The following POLR3B variants were observed in gnomAD, a reference collection of about 807,000 sequenced individuals.
The protein encoded by POLR3B is DNA-directed RNA polymerase III subunit RPC2.
A neutral mutation model predicts 147.4 loss-of-function variants in POLR3B; 96 were observed. That is an observed-to-expected ratio of 0.65 (90% CI 0.55 to 0.77). The LOEUF (loss-of-function observed/expected upper bound fraction) is 0.77, where lower values mean the gene tolerates loss of function less well. Among genes scored for constraint, POLR3B ranks in the 30% least tolerant of loss-of-function variants. POLR3B has a pLI of 0.00. For synonymous variants in POLR3B, 461 were observed against 485.9 expected, an observed-to-expected ratio of 0.95 and a Z score of 0.67; for missense variants, 1,036 against 1,413.5, an observed-to-expected ratio of 0.73 and a Z score of 4.28.
intron 19 of POLR3B, among the ~76,000 whole-genome samples, chr12:106,452,001 A>ATG (rs1020711403): frequency 6.6e-6 from 1 of 152,152 alleles, no homozygotes; most frequent in Non-Finnish European, 1.5e-5. Flanking sequence ...GTTATTTTAT[A>ATG]TGTGTGTATA....
intron 14 of POLR3B, among the ~76,000 whole-genome samples, chr12:106,431,530 G>A (rs2037510323): frequency 1.3e-5 from 2 of 152,102 alleles, no homozygotes; most frequent in Admixed American, 1.3e-4. Flanking sequence ...GTACCGGGTT[G>A]CATAGATGTT....
intron 25 of POLR3B, among the ~76,000 whole-genome samples, chr12:106,499,714 G>A (rs543228068): frequency 6.6e-6 from 1 of 152,266 alleles, no homozygotes; most frequent in South Asian, 2.1e-4. Context: ...AGCTAGAGAG[G>A]TCATGTAATT....
intron 18 of POLR3B, among the ~76,000 whole-genome samples, chr12:106,438,479 A>G (rs1051992082): frequency 6.6e-6 from 1 of 151,748 alleles, no homozygotes. Flanking sequence ...ATATATATAT[A>G]TGTATATAAA....
At chr12:106,358,146 C>G (rs562636662) in intron 1 of POLR3B, 195 bp downstream of exon 1, 4 of 1,455,188 alleles carry the variant, frequency 2.7e-6, no homozygotes, top group South Asian at 2.8e-5. Flanking sequence ...GAAGGCTGAT[C>G]CCAGAGGAGC....
chr12:106,416,352 T>C (rs930931254), intron 12 of POLR3B, among the ~76,000 whole-genome samples: 1 of 152,196 alleles, frequency 6.6e-6, no homozygotes, highest in African/African-American at 2.4e-5. Flanking sequence ...AGCAAATACT[T>C]GTATATTCCC....
chr12:106,380,116 A>G lies in POLR3B; in HGVS notation c.700A>G (p.Ile234Val). ...YLRHNTLSED[I>V]PIVIIFKAMG... ...GAGGCATAATACTTTGTCAGAAGAT[A>G]TACCCATTGTCATCATATTTAAGGT... The change falls in exon 9 of 28, where the codon ATA becomes GTA. Residue 234 changes from isoleucine to valine, a missense_variant. Physicochemically the swap from Ile to Val is conservative, Grantham distance 29 (BLOSUM62 3). This residue lies in a region of POLR3B where 217 missense variants were observed against 288.7 expected (regional missense o/e 0.75). Transcript: ENST00000228347. The G allele has an allele frequency of 1.3e-6, 2 of 1,594,822 alleles. No homozygotes were observed. Among genetic ancestry groups the G allele is most frequent in the Non-Finnish European group, 1.7e-6 (2 of 1,162,562 alleles).
chr12:106,467,867 G>T (rs1842210513), intron 23 of POLR3B, among the ~76,000 whole-genome samples: 1 of 152,190 alleles, frequency 6.6e-6, no homozygotes, highest in Admixed American at 6.5e-5. Flanking sequence ...GTATTTTATT[G>T]AGGATTTTCG....
intron 19 of POLR3B, among the ~76,000 whole-genome samples, chr12:106,452,368 T>C (rs2037808535): frequency 6.6e-6 from 1 of 152,188 alleles, no homozygotes; most frequent in South Asian, 2.1e-4. Flanking sequence ...TGTTCATCCA[T>C]TCAGTGGTCA....
At chr12:106,389,926 G>A (rs756935699) in intron 9 of POLR3B, among the ~76,000 whole-genome samples, 13 of 152,230 alleles carry the variant, frequency 8.5e-5, no homozygotes, top group Non-Finnish European at 1.8e-4. Flanking sequence ...TTGGCTGGGC[G>A]CGGTGGCTTT....
At chr12:106,456,685 C>G (rs538663997) in intron 20 of POLR3B, among the ~76,000 whole-genome samples, 1 of 152,270 alleles carries the variant, frequency 6.6e-6, no homozygotes, top group East Asian at 1.9e-4. Context: ...ACACAATTCT[C>G]AACTCTGCTG....
intron 27 of POLR3B, chr12:106,507,754 C>G (rs956358025): frequency 1.1e-5 from 5 of 455,836 alleles, no homozygotes; most frequent in African/African-American, 1.0e-4. Flanking sequence ...GAAACTCTGT[C>G]TGCATAGTTA....
chr12:106,470,369 TTTC>T (rs1187965010), intron 23 of POLR3B, among the ~76,000 whole-genome samples: 1 of 152,094 alleles, frequency 6.6e-6, no homozygotes, highest in African/African-American at 2.4e-5. Context: ...TTTTCAAGGT[TTTC>T]AGCTTCCTCG....
chr12:106,432,222 A>C, intron 14 of POLR3B, 96 bp from the exon 15 acceptor site: 1 of 1,142,180 alleles, frequency 8.8e-7, no homozygotes. Flanking sequence ...ACTGCTTTGC[A>C]TTGCTGCCAG....
chr12:106,463,702 T>A, intron 23 of POLR3B, 82 bp downstream of exon 23: 1 of 1,191,584 alleles, frequency 8.4e-7, no homozygotes, highest in Non-Finnish European at 1.2e-6. Context: ...TTCCCCCATT[T>A]AAAAAATTTA....
intron 12 of POLR3B, among the ~76,000 whole-genome samples, chr12:106,422,465 GTTTC>G (rs1159877050): frequency 1.3e-5 from 2 of 152,078 alleles, no homozygotes; most frequent in African/African-American, 4.8e-5. Context: ...AGTCTCAGTT[GTTTC>G]TTTATAGCAA....
At chr12:106,468,725 G>T (rs945016395) in intron 23 of POLR3B, among the ~76,000 whole-genome samples, 7 of 152,174 alleles carry the variant, frequency 4.6e-5, no homozygotes, top group African/African-American at 1.7e-4. Context: ...AGGAGCAGGT[G>T]GTTCAGTTTC....
chr12:106,438,820 A>G (rs1285522485), intron 18 of POLR3B, among the ~76,000 whole-genome samples: 2 of 147,726 alleles, frequency 1.4e-5, no homozygotes, highest in Non-Finnish European at 3.0e-5. Context: ...GGAATTCTCT[A>G]CATAGTCTGT....
chr12:106,488,533 T>C (rs1474403663), intron 23 of POLR3B, among the ~76,000 whole-genome samples: 1 of 152,188 alleles, frequency 6.6e-6, no homozygotes, highest in East Asian at 1.9e-4. Flanking sequence ...TATTTTCGAG[T>C]GAAGCCATGA....
At chr12:106,500,519 G>A (rs1199612700) in intron 25 of POLR3B, among the ~76,000 whole-genome samples, 3 of 152,178 alleles carry the variant, frequency 2.0e-5, no homozygotes, top group Admixed American at 1.3e-4. Flanking sequence ...GTATCAAAAG[G>A]GGCAAGTGCG....
Sources: gnomAD v4.1 joint callset for allele counts (sites outside exome capture counted in the v4.1 genomes callset) on GRCh38, gnomAD v4.1.1 for gene constraint, gnomAD v4.1.1 regional missense constraint, MANE v1.5 for transcripts, NCBI Gene and HGNC (gene_info 2026-07-23, HGNC 2026-07-21) for gene names.